Variants in OGFOD2 observed in about 807,000 individuals in gnomAD.
OGFOD2 encodes the protein 2-oxoglutarate and iron-dependent oxygenase domain-containing protein 2.
In OGFOD2, 34 loss-of-function variants were observed where a neutral mutation model predicts 31.1. The ratio of observed to expected loss-of-function variants is 1.09; its 90% CI spans 0.83 to 1.45. The LOEUF is 1.45. Ranked by LOEUF, OGFOD2 falls within the 40% of genes most tolerant of loss-of-function variation. The pLI is 0.00. For synonymous variants in OGFOD2, 240 were observed against 192.3 expected, an observed-to-expected ratio of 1.25 and a Z score of -2.05; for missense variants, 537 against 433.9, an observed-to-expected ratio of 1.24 and a Z score of -2.11.
chr12:122,977,533 CCT>C (rs10548719), intron 4 of OGFOD2: 7,349 of 196,176 alleles, frequency 0.037, 568 homozygotes, highest in African/African-American at 0.16. Flanking sequence ...TGTTGTTTAA[CCT>C]CTGATTCAGT....
chr12:122,976,738 G>T (rs748527171), exon 3 of OGFOD2: 6 of 1,613,834 alleles, frequency 3.7e-6, no homozygotes, highest in Non-Finnish European at 2.5e-6. Context: ...CTACCACCCG[G>T]CACGGCCTGA....
exon 7 of OGFOD2, chr12:122,979,359 C>A: frequency 6.3e-7 from 1 of 1,588,046 alleles, no homozygotes; most frequent in Admixed American, 1.7e-5. Flanking sequence ...TTGCTTGGGC[C>A]CAGTGTGGGG....
chr12:122,975,811 A>T, exon 2 of OGFOD2: 2 of 702,782 alleles, frequency 2.8e-6, no homozygotes, highest in Admixed American at 4.0e-5. Flanking sequence ...CTGCTCCCAG[A>T]TCCTGCGCAG....
chr12:122,979,941 G>A (rs1394233816), exon 7 of OGFOD2: 4 of 348,354 alleles, frequency 1.1e-5, no homozygotes, highest in African/African-American at 6.3e-5. Context: ...GGCTTTAGGT[G>A]AGCCTTCACC....
chr12:122,978,766 A>G, exon 6 of OGFOD2: 1 of 1,609,132 alleles, frequency 6.2e-7, no homozygotes. Flanking sequence ...CTGCTGCACG[A>G]GCTCGGGCTG....
chr12:122,976,807 AG>A, intron 3 of OGFOD2, 40 bp downstream of exon 3: 1 of 1,601,736 alleles, frequency 6.2e-7, no homozygotes, highest in Non-Finnish European at 8.5e-7. Flanking sequence ...GGTACTGGAA[AG>A]AGGAGGTAGC....
exon 7 of OGFOD2, chr12:122,979,314 C>A: frequency 6.2e-7 from 1 of 1,611,882 alleles, no homozygotes; most frequent in Non-Finnish European, 8.5e-7. Flanking sequence ...CCGAGAGGAG[C>A]CCGCCACGGT....
At chr12:122,977,031 G>A (rs2037454621) in intron 4 of OGFOD2, 61 bp downstream of exon 4, 3 of 1,503,016 alleles carry the variant, frequency 2.0e-6, no homozygotes, top group Non-Finnish European at 2.8e-6. Context: ...AAACCTGGGT[G>A]TGGGATGCTG....
At chr12:122,975,122 G>C, upstream of OGFOD2, 1 of 510,676 alleles carries the variant, frequency 2.0e-6, no homozygotes, top group Non-Finnish European at 3.5e-6. Context: ...TCCTGGCGAG[G>C]TGCGTCTTCG....
intron 2 of OGFOD2, 92 bp from the exon 3 acceptor site, chr12:122,976,562 T>C: frequency 2.3e-6 from 3 of 1,288,410 alleles, no homozygotes; most frequent in Non-Finnish European, 3.4e-6. Flanking sequence ...GCCTGGGCCC[T>C]GTCTGGCGTT....
intron 2 of OGFOD2, 182 bp downstream of exon 2, chr12:122,976,049 G>T: frequency 1.7e-6 from 1 of 602,194 alleles, no homozygotes; most frequent in Non-Finnish European, 3.0e-6. Flanking sequence ...AGAGAGAAGG[G>T]GAAATGCTAA....
intron 4 of OGFOD2, chr12:122,977,341 G>A (rs747797248): frequency 1.2e-5 from 4 of 326,680 alleles, no homozygotes; most frequent in Non-Finnish European, 2.4e-5. Context: ...GGCAAAGCCC[G>A]GCCCCCCAGG....
intron 4 of OGFOD2, 189 bp downstream of exon 4, chr12:122,977,159 T>G (rs1294798164): frequency 3.1e-6 from 2 of 654,644 alleles, no homozygotes; most frequent in South Asian, 3.2e-5. Context: ...ATACCTGCCA[T>G]GAGCCTGGTA....
chr12:122,976,527 G>A (rs2037435639), intron 2 of OGFOD2, 127 bp from the exon 3 acceptor site: 2 of 1,319,734 alleles, frequency 1.5e-6, no homozygotes, highest in South Asian at 2.4e-5. Flanking sequence ...ATAGATTCAG[G>A]AGTGTAGGCT....
chr12:122,975,953 C>T (rs2037411970), intron 2 of OGFOD2, 86 bp downstream of exon 2: 1 of 678,440 alleles, frequency 1.5e-6, no homozygotes, highest in Admixed American at 2.0e-5. Context: ...AGCCTCAGTC[C>T]CTGATCCCTG....
exon 1 of OGFOD2, chr12:122,975,281 C>A (rs776090100): frequency 2.9e-6 from 2 of 693,284 alleles, no homozygotes; most frequent in Non-Finnish European, 5.3e-6. Context: ...CGCGGCACTT[C>A]TGCCGCTGCG....
rs534410114 is a variant in OGFOD2 at position 122,975,678 on chromosome 12, G to A, written c.133-133G>A. The stretch of plus-strand genomic sequence containing the variant: ...CCTGTCCTGAGCTTGACAGGGTTCC[G>A]CAGTTCATTCTCTCCATGATCCTTT... On this transcript the variant is annotated intron_variant, in intron 1 of 6. Coordinates refer to ENST00000228922, the Ensembl canonical transcript of OGFOD2. 3.6e-5 allele frequency: 23 copies of A among 644,232 alleles called. No individual in the cohort carries two copies. In the African/African-American group the frequency reaches 3.9e-4, roughly 11 times the overall value. The allele number at this position is 644,232 out of a possible 1,614,324, so 39.9% of individuals were successfully genotyped here.
upstream of OGFOD2, chr12:122,975,170 G>T: frequency 2.0e-6 from 1 of 494,278 alleles, no homozygotes; most frequent in Non-Finnish European, 3.7e-6. Flanking sequence ...CGGCCCCTTG[G>T]CCGCTGGTTC....
Position 122,978,804 on chromosome 12 carries a change from G to T in OGFOD2, c.583G>T (p.Glu195Ter). ...CGAGCCGCTGATGACACCACTGCGG[G>T]AGCGCTTCCTGCAGCCGCTGATGGC... Residue 195 changes from glutamate (E) to a stop codon, truncating the protein, a stop_gained, in exon 6 of 7, where the codon GAG becomes TAG. Coordinates refer to ENST00000228922, the Ensembl canonical transcript of OGFOD2. LOFTEE classifies it high-confidence loss of function. 6.2e-7 allele frequency: 1 copy of T among 1,612,356 alleles called. No homozygotes were observed. Among genetic ancestry groups the T allele is most frequent in the Non-Finnish European group, 8.5e-7 (1 of 1,179,854 alleles).
Sources: allele counts gnomAD v4.1 joint callset, GRCh38; gene constraint gnomAD v4.1.1; transcripts MANE v1.5; gene names NCBI Gene and HGNC (gene_info 2026-07-23, HGNC 2026-07-21).